DYNC1I2: variants seen among roughly 807,000 people sequenced by gnomAD.
The protein encoded by DYNC1I2 is cytoplasmic dynein 1 intermediate chain 2.
In DYNC1I2, 53 loss-of-function variants were observed where a neutral mutation model predicts 88.6. The observed-to-expected ratio is 0.60, with a 90% CI of 0.48 to 0.75. The LOEUF (loss-of-function observed/expected upper bound fraction) is 0.75, where lower values mean the gene tolerates loss of function less well. Ranked by LOEUF, DYNC1I2 falls within the 30% of genes least tolerant of loss-of-function variation. DYNC1I2 has a pLI of 0.00. For missense variants in DYNC1I2, 458 were observed against 766.6 expected (o/e 0.60, Z 4.75); for synonymous variants, 198 against 254.6 (o/e 0.78, Z 2.12).
chr2:171,727,578 A>G (rs1375029100), intron 11 of DYNC1I2, among the ~76,000 whole-genome samples: 1 of 152,108 alleles, frequency 6.6e-6, no homozygotes, highest in Non-Finnish European at 1.5e-5. Context: ...TCTTTGATAA[A>G]TTAGTTAAAC....
intron 11 of DYNC1I2, 43 bp downstream of exon 11, chr2:171,726,959 T>A (rs1181379605): frequency 6.6e-7 from 1 of 1,519,496 alleles, no homozygotes; most frequent in Admixed American, 2.3e-5. Flanking sequence ...GTTTAAGAAT[T>A]CATTGATGAA....
chr2:171,744,243 T>C, intron 16 of DYNC1I2, 54 bp downstream of exon 16: 2 of 1,523,326 alleles, frequency 1.3e-6, no homozygotes, highest in Non-Finnish European at 8.8e-7. Context: ...TGGATATTTA[T>C]TGAATAATTT....
At chr2:171,696,174 G>A (rs1283934993) in intron 3 of DYNC1I2, among the ~76,000 whole-genome samples, 2 of 152,024 alleles carry the variant, frequency 1.3e-5, no homozygotes, top group East Asian at 1.9e-4. Flanking sequence ...ATTCTTCATT[G>A]AACAGAATCC....
chr2:171,692,485 G>C (rs1383052414), intron 2 of DYNC1I2, among the ~76,000 whole-genome samples: 14 of 152,118 alleles, frequency 9.2e-5, no homozygotes, highest in Non-Finnish European at 1.6e-4. Flanking sequence ...TCATACTGTA[G>C]ATAATTCGAA....
chr2:171,714,864 C>T (rs923768297), intron 6 of DYNC1I2, among the ~76,000 whole-genome samples: 2 of 152,086 alleles, frequency 1.3e-5, no homozygotes, highest in Non-Finnish European at 2.9e-5. Flanking sequence ...AGAAAAAAAG[C>T]TTTCAACAGA....
chr2:171,728,115 T>G (rs1688366491), intron 12 of DYNC1I2, 148 bp downstream of exon 12: 1 of 1,029,634 alleles, frequency 9.7e-7, no homozygotes, highest in South Asian at 2.2e-5. Flanking sequence ...TGAAGGCTAT[T>G]TTTTTTTTTG....
At chr2:171,707,586 T>C (rs976147053) in intron 5 of DYNC1I2, among the ~76,000 whole-genome samples, 11 of 152,190 alleles carry the variant, frequency 7.2e-5, no homozygotes, top group African/African-American at 2.4e-4. Context: ...TCACATTTAA[T>C]TAACTTAGTA....
At chr2:171,736,443 A>C (rs573969508) in intron 15 of DYNC1I2, among the ~76,000 whole-genome samples, 2 of 152,356 alleles carry the variant, frequency 1.3e-5, no homozygotes, top group South Asian at 4.1e-4. Flanking sequence ...GAGCCTGACC[A>C]GCTCATTGTT....
intron 8 of DYNC1I2, 57 bp from the exon 9 acceptor site, chr2:171,725,858 TAGTG>T (rs1688217918): frequency 7.0e-7 from 1 of 1,436,288 alleles, no homozygotes; most frequent in Non-Finnish European, 9.5e-7. Flanking sequence ...CATACTGTGA[TAGTG>T]AGTTGACGTG....
intron 7 of DYNC1I2, among the ~76,000 whole-genome samples, chr2:171,723,886 C>T (rs1449516063): frequency 1.3e-5 from 2 of 152,252 alleles, no homozygotes; most frequent in East Asian, 3.9e-4. Context: ...GATTGTTTTT[C>T]CATTCTGAAT....
intron 3 of DYNC1I2, among the ~76,000 whole-genome samples, chr2:171,701,136 C>G (rs995227285): frequency 6.6e-6 from 1 of 152,150 alleles, no homozygotes; most frequent in Admixed American, 6.5e-5. Context: ...TTATATTCAT[C>G]TTGAATGGGC....
intron 5 of DYNC1I2, among the ~76,000 whole-genome samples, chr2:171,708,625 TTTTTATAGGG>T (rs1295985222): frequency 6.6e-6 from 1 of 152,182 alleles, no homozygotes; most frequent in African/African-American, 2.4e-5. Context: ...TGTAAATTCA[TTTTTATAGGG>T]TTAAAATTTT....
chr2:171,708,114 A>G (rs2105549192), intron 5 of DYNC1I2, among the ~76,000 whole-genome samples: 1 of 152,180 alleles, frequency 6.6e-6, no homozygotes, highest in South Asian at 2.1e-4. Flanking sequence ...TATTAAATGT[A>G]CTTTTTGACT....
intron 3 of DYNC1I2, among the ~76,000 whole-genome samples, chr2:171,704,724 C>A (rs1190544418): frequency 6.6e-6 from 1 of 152,150 alleles, no homozygotes; most frequent in Non-Finnish European, 1.5e-5. Context: ...CTCCTGAATG[C>A]ATGCATTCAT....
intron 15 of DYNC1I2, among the ~76,000 whole-genome samples, chr2:171,732,490 A>T (rs1051724423): frequency 6.6e-6 from 1 of 152,220 alleles, no homozygotes; most frequent in African/African-American, 2.4e-5. Context: ...TGCCACAGGG[A>T]TTTAACTCTT....
chr2:171,744,219 G>GA lies in DYNC1I2; in HGVS notation c.1677+35dup, dbSNP rs755990753. On this transcript the variant is annotated intron_variant, in intron 16 of 17. Coordinates refer to ENST00000397119, the MANE Select transcript of DYNC1I2 (RefSeq NM_001378.3). ...GCAGGAAAATAACAAAAATTGCATT[G>GA]AAAAATAGAAAATTGGATATTTATT... The GA allele has an allele frequency of 2.0e-5, 31 of 1,556,126 alleles. 1 individual carries two copies. In the Admixed American group the frequency reaches 6.2e-4, roughly 31 times the overall value.
rs916463695 is a variant in DYNC1I2 at position 171,743,955 on chromosome 2, G to A, written c.1537-94G>A. The A allele has an allele frequency of 2.6e-6, 3 of 1,148,652 alleles. No individual in the cohort carries two copies. The East Asian group carries it at 8.3e-5, about 32-fold the overall frequency. 71.2% of individuals were successfully genotyped at this position (1,148,652 alleles called of 1,614,324 possible). A position where few individuals can be genotyped will look rare whatever the true frequency, so the allele number is the denominator to read the frequency against. ...AATATCATAAAATGTTATCATACCT[G>A]TTGAATGTATGTCATTTTTTTCCCA... is the stretch of plus-strand genomic sequence containing the variant. On this transcript the variant is annotated intron_variant, in intron 15 of 17. Coordinates refer to ENST00000397119, the MANE Select transcript of DYNC1I2 (RefSeq NM_001378.3).
rs143870978 is a variant in DYNC1I2 at position 171,712,691 on chromosome 2, A to C, written c.336-76A>C. The C allele has an allele frequency of 3.0e-6, 3 of 1,008,026 alleles. No homozygotes were observed. The African/African-American group carries it at 4.8e-5, about 16-fold the overall frequency. The allele number at this position is 1,008,026 out of a possible 1,614,324, so 62.4% of individuals were successfully genotyped here. On this transcript the variant is annotated intron_variant, in intron 5 of 17. Coordinates refer to ENST00000397119, the MANE Select transcript of DYNC1I2 (RefSeq NM_001378.3). ...TGTGAATAGTACTTTAGCTTTAGCT[A>C]TTCATAGAATGTATTTGCTTGACTA...
At chr2:171,688,257 A>G (rs889831266) in intron 1 of DYNC1I2, 31 of 152,182 alleles carry the variant, frequency 2.0e-4, no homozygotes, top group African/African-American at 7.5e-4. Context: ...TGTGATGGAA[A>G]GCCCCCGAAC....
Sources: allele counts gnomAD v4.1 joint callset (sites outside exome capture counted in the v4.1 genomes callset), GRCh38; gene constraint gnomAD v4.1.1; transcripts MANE v1.5; gene names NCBI Gene and HGNC (gene_info 2026-07-23, HGNC 2026-07-21).